The following ATP11B variants were observed in gnomAD, a reference collection of about 807,000 sequenced individuals.
The protein encoded by ATP11B is ATPase phospholipid transporting 11B (putative), also known as phospholipid-transporting ATPase IF.
Under a neutral mutation model 157.8 loss-of-function variants are expected in ATP11B, and 81 were observed. The ratio of observed to expected loss-of-function variants is 0.51; its 90% confidence interval spans 0.43 to 0.62. ATP11B has a LOEUF of 0.62. ATP11B is among the 20% of genes least tolerant of loss of function. ATP11B has a pLI of 0.00. For missense variants in ATP11B, 1,165 were observed against 1,402.2 expected (o/e 0.83, Z 2.70); for synonymous variants, 451 against 469.4 (o/e 0.96, Z 0.51).
At chr3:182,874,348 C>T (rs1025836166) in intron 19 of ATP11B, among the ~76,000 whole-genome samples, 2 of 152,226 alleles carry the variant, frequency 1.3e-5, no homozygotes, top group Admixed American at 6.5e-5. Flanking sequence ...CAGCTTTACA[C>T]TGCTGTTTGA....
At chr3:182,821,745 T>A (rs1717360443) in intron 2 of ATP11B, among the ~76,000 whole-genome samples, 1 of 152,192 alleles carries the variant, frequency 6.6e-6, no homozygotes, top group African/African-American at 2.4e-5. Context: ...TAGCTACATG[T>A]GACTAGTGGC....
chr3:182,888,202 A>G (rs1267969988), intron 24 of ATP11B, among the ~76,000 whole-genome samples: 1 of 152,208 alleles, frequency 6.6e-6, no homozygotes, highest in Non-Finnish European at 1.5e-5. Flanking sequence ...AGGACCAGCT[A>G]TGGTATTCAC....
At chr3:182,848,163 C>A (rs1043318072) in intron 9 of ATP11B, among the ~76,000 whole-genome samples, 5 of 152,194 alleles carry the variant, frequency 3.3e-5, no homozygotes, top group African/African-American at 1.2e-4. Context: ...TAATGGCCTT[C>A]CCTGACACTT....
At chr3:182,872,620 C>G in intron 18 of ATP11B, 83 bp downstream of exon 18, 1 of 1,152,296 alleles carries the variant, frequency 8.7e-7, no homozygotes, top group Non-Finnish European at 1.2e-6. Context: ...GACATAAATT[C>G]TCTTTACTAA....
At position 182,865,530 on chromosome 3, in the gene ATP11B, T is replaced by C. The variant is rs1347109640; in HGVS notation, c.1275T>C (p.Asn425=). The C allele has an allele frequency of 6.2e-7, 1 of 1,613,834 alleles. No individual in the cohort carries two copies. Among genetic ancestry groups the C allele is most frequent in the South Asian group, 1.1e-5 (1 of 91,070 alleles). ...NEMQFRECSI[N]GMKYQEINGR... The stretch of plus-strand genomic sequence containing the variant: ...TGCAGTTTCGGGAATGTTCAATTAA[T>C]GGCATGAAATACCAAGAAATTAATG... The change falls in exon 13 of 30, where the codon AAT becomes AAC. Residue 425 remains asparagine (N), a synonymous_variant. Coordinates refer to ENST00000323116, the MANE Select transcript of ATP11B (RefSeq NM_014616.3).
Position 182,920,518 on chromosome 3 carries a change from G to A in ATP11B, c.*2414G>A, listed in dbSNP as rs1450728922. The A allele has an allele frequency of 6.6e-6, 1 of 152,174 alleles. No homozygotes were observed. Among genetic ancestry groups the A allele is most frequent in the Non-Finnish European group, 1.5e-5 (1 of 68,028 alleles). The allele number at this position is 152,174 out of a possible 1,614,324, so 9.4% of individuals were successfully genotyped here. A position where few individuals can be genotyped will look rare whatever the true frequency, so the allele number is the denominator to read the frequency against. On this transcript the variant is annotated 3_prime_UTR_variant, in exon 30 of 30. Transcript: ENST00000323116. ...ATATTTCTTTAAAATTCTTTCTTTGGAAAGTATGATGTTGATAATTAACTT... is the reference window on the plus strand; with the variant it reads ...ATATTTCTTTAAAATTCTTTCTTTGAAAAGTATGATGTTGATAATTAACTT...
At chr3:182,832,614 T>C (rs191081924) in intron 4 of ATP11B, among the ~76,000 whole-genome samples, 1 of 152,298 alleles carries the variant, frequency 6.6e-6, no homozygotes, top group Non-Finnish European at 1.5e-5. Context: ...TCTATCAAAA[T>C]AGGAAAAGGC....
At chr3:182,864,905 G>GT (rs1353346250) in intron 12 of ATP11B, among the ~76,000 whole-genome samples, 1 of 151,906 alleles carries the variant, frequency 6.6e-6, no homozygotes. Context: ...TTAAAAATAT[G>GT]TTTTTTTCTT....
chr3:182,857,735 AAAC>A (rs1720518698), intron 10 of ATP11B, 140 bp from the exon 11 acceptor site: 2 of 487,470 alleles, frequency 4.1e-6, no homozygotes, highest in Middle Eastern at 5.5e-4. Context: ...TATTTCTTGA[AAAC>A]AAAAGCTGTG....
At position 182,820,288 on chromosome 3, in the gene ATP11B, C is replaced by A; in HGVS notation, c.56C>A (p.Thr19Lys). ...LGFDPPHQSD[T>K]RTIYVANRFP... ...TTTGACCCACCACATCAGAGTGACA[C>A]AAGAACCATCTACGTAGCCAACAGG... The change falls in exon 2 of 30, where the codon ACA becomes AAA. Residue 19 changes from threonine (T) to lysine (K), a missense_variant. Physicochemically the swap from Thr to Lys is moderately conservative, Grantham distance 78 (BLOSUM62 -1). This residue lies in a region of ATP11B where 91 missense variants were observed against 95.8 expected (regional missense o/e 0.95). Transcript: ENST00000323116. The A allele has an allele frequency of 1.2e-6, 2 of 1,614,050 alleles. No individual in the cohort carries two copies. Among genetic ancestry groups the A allele is most frequent in the Non-Finnish European group, 1.7e-6 (2 of 1,179,902 alleles).
At chr3:182,857,618 G>A (rs1720508384) in intron 10 of ATP11B, among the ~76,000 whole-genome samples, 1 of 150,768 alleles carries the variant, frequency 6.6e-6, no homozygotes, top group South Asian at 2.1e-4. Context: ...GACTAAAACC[G>A]TCATTTACTG....
chr3:182,915,732 C>T (rs748968337), intron 29 of ATP11B: 8 of 985,138 alleles, frequency 8.1e-6, no homozygotes, highest in Non-Finnish European at 9.6e-6. Flanking sequence ...TTTACATAGC[C>T]ATTTTGATGC....
chr3:182,829,836 T>C, intron 4 of ATP11B, 84 bp downstream of exon 4: 1 of 1,406,896 alleles, frequency 7.1e-7, no homozygotes, highest in Non-Finnish European at 9.5e-7. Context: ...ACATTTATTG[T>C]TGTGAAAATA....
chr3:182,839,953 A>C (rs1176876502), intron 7 of ATP11B, among the ~76,000 whole-genome samples: 1 of 152,166 alleles, frequency 6.6e-6, no homozygotes, highest in Non-Finnish European at 1.5e-5. Context: ...TTGTGATTTT[A>C]AAAAGTATTT....
At chr3:182,884,238 T>C (rs1323573954) in intron 21 of ATP11B, among the ~76,000 whole-genome samples, 6 of 152,106 alleles carry the variant, frequency 3.9e-5, no homozygotes, top group Non-Finnish European at 7.4e-5. Flanking sequence ...ATGATATTGC[T>C]TATTTTTAAA....
chr3:182,817,198 T>C (rs1717016261), intron 1 of ATP11B, among the ~76,000 whole-genome samples: 1 of 152,188 alleles, frequency 6.6e-6, no homozygotes, highest in African/African-American at 2.4e-5. Context: ...TGTCATCTTA[T>C]TTTTAATTGG....
At chr3:182,857,066 A>G (rs1218943219) in intron 10 of ATP11B, among the ~76,000 whole-genome samples, 1 of 152,188 alleles carries the variant, frequency 6.6e-6, no homozygotes, top group Non-Finnish European at 1.5e-5. Context: ...TGATTTTGGG[A>G]TATTTACAGA....
intron 7 of ATP11B, among the ~76,000 whole-genome samples, chr3:182,840,723 C>G (rs1440327855): frequency 6.6e-6 from 1 of 152,112 alleles, no homozygotes; most frequent in Non-Finnish European, 1.5e-5. Flanking sequence ...TCACATCTCA[C>G]CCCAACCCAT....
intron 1 of ATP11B, among the ~76,000 whole-genome samples, chr3:182,803,683 A>G (rs749649496): frequency 2.0e-5 from 3 of 152,226 alleles, no homozygotes; most frequent in Non-Finnish European, 2.9e-5. Context: ...ATATGGAATA[A>G]GGAAGGGAAT....
Sources: allele counts gnomAD v4.1 joint callset (sites outside exome capture counted in the v4.1 genomes callset), GRCh38; gene constraint gnomAD v4.1.1; regional missense constraint gnomAD v4.1.1; transcripts MANE v1.5; gene names NCBI Gene and HGNC (gene_info 2026-07-23, HGNC 2026-07-21).